The following SCAP variants were observed in gnomAD, a reference collection of about 807,000 sequenced individuals.
The protein encoded by SCAP is sterol regulatory element-binding protein cleavage-activating protein.
SCAP carries 65 observed loss-of-function variants against 123.6 expected under a neutral mutation model. The ratio of observed to expected loss-of-function variants is 0.53; its 90% CI spans 0.43 to 0.65. SCAP has a LOEUF of 0.65. Ranked by LOEUF, SCAP falls within the 30% of genes least tolerant of loss-of-function variation. SCAP has a pLI of 0.00. For synonymous variants in SCAP, 740 were observed against 726.3 expected, an observed-to-expected ratio of 1.02 and a Z score of -0.30; for missense variants, 1,398 against 1,712.5, an observed-to-expected ratio of 0.82 and a Z score of 3.24.
chr3:47,473,747 T>C (rs1375178365), intron 1 of SCAP, among the ~76,000 whole-genome samples: 1 of 152,212 alleles, frequency 6.6e-6, no homozygotes, highest in Non-Finnish European at 1.5e-5. Flanking sequence ...TTAATATACA[T>C]ACCTGCAGTG....
intron 8 of SCAP, among the ~76,000 whole-genome samples, chr3:47,425,058 G>T (rs1559545993): frequency 6.7e-6 from 1 of 149,564 alleles, no homozygotes; most frequent in African/African-American, 2.5e-5. Flanking sequence ...TTCTAATCAT[G>T]AAAAAAAAAA....
intron 1 of SCAP, among the ~76,000 whole-genome samples, chr3:47,459,918 A>C (rs1707566962): frequency 6.6e-6 from 1 of 152,146 alleles, no homozygotes; most frequent in South Asian, 2.1e-4. Context: ...TCAACCGCAT[A>C]AGACAGACAC....
intron 2 of SCAP, among the ~76,000 whole-genome samples, chr3:47,436,516 C>G (rs1418242424): frequency 6.6e-6 from 1 of 151,874 alleles, no homozygotes; most frequent in Non-Finnish European, 1.5e-5. Context: ...CACCTGTGGT[C>G]CCAGCTACTG....
chr3:47,415,167 G>A lies in SCAP; in HGVS notation c.3070C>T (p.Arg1024Trp), dbSNP rs375413175. 8 of 1,611,484 alleles carry A rather than the reference G, an allele frequency of 5.0e-6. No homozygotes were observed. The highest frequency in any genetic ancestry group is 2.2e-5 in the South Asian group (2 of 90,886). ...VFLDKRIVAARLNGSLDFFSL... is the reference protein window; with the variant it reads ...VFLDKRIVAAWLNGSLDFFSL... ...AAGAAATCAAGGGAACCGTTGAGCC[G>A]TGCAGCCACAATCCTGGAAGAGAAG... The change falls in exon 19 of 23, where the codon CGG (arginine) becomes TGG (tryptophan). Residue 1024 changes from arginine (R) to tryptophan (W), a missense_variant. Coordinates refer to ENST00000265565, the MANE Select transcript of SCAP (RefSeq NM_012235.4).
upstream of SCAP, among the ~76,000 whole-genome samples, chr3:47,476,391 G>A (rs1000534482): frequency 6.6e-6 from 1 of 152,146 alleles, no homozygotes; most frequent in African/African-American, 2.4e-5. Context: ...AGCCCGGGAG[G>A]TCGAGGCCAC....
At chr3:47,457,894 G>A (rs965869736) in intron 1 of SCAP, among the ~76,000 whole-genome samples, 1 of 151,878 alleles carries the variant, frequency 6.6e-6, no homozygotes, top group Non-Finnish European at 1.5e-5. Context: ...GCAATGGAGC[G>A]AGACTCCGTC....
intron 7 of SCAP, 147 bp downstream of exon 7, chr3:47,425,850 T>A (rs570134676): frequency 1.0e-6 from 1 of 1,004,472 alleles, no homozygotes; most frequent in Admixed American, 2.5e-5. Flanking sequence ...CCTAAGACCC[T>A]GCTGGGGGAC....
At chr3:47,425,366 A>G in intron 8 of SCAP, 119 bp downstream of exon 8, 5 of 1,122,184 alleles carry the variant, frequency 4.5e-6, no homozygotes, top group Non-Finnish European at 6.2e-6. Context: ...AAATGTCAAA[A>G]ACAACAATGT....
At chr3:47,414,449 C>A in intron 21 of SCAP, 63 bp from the exon 22 acceptor site, 1 of 1,599,848 alleles carries the variant, frequency 6.3e-7, no homozygotes, top group Non-Finnish European at 8.6e-7. Context: ...ACAGTGGTGT[C>A]CCTGTGCCCC....
At position 47,419,618 on chromosome 3, in the gene SCAP, C is replaced by T. The variant is rs373167143; in HGVS notation, c.1650G>A (p.Gln550=). The T allele has an allele frequency of 6.3e-7, 1 of 1,593,818 alleles. No individual in the cohort carries two copies. Among genetic ancestry groups the T allele is most frequent in the Non-Finnish European group, 8.6e-7 (1 of 1,168,644 alleles). ...RNYLAAQVTE[Q]SPLGEGALAP... is the part of the protein sequence containing the mutation. ...CCAGGGCTCCCTCACCCAATGGGCT[C>T]TGTTCCGTCACCTGGGCAGCGAGGT... The change falls in exon 13 of 23, where the codon CAG becomes CAA. Residue 550 remains glutamine, a synonymous_variant. Coordinates refer to ENST00000265565, the MANE Select transcript of SCAP (RefSeq NM_012235.4). This position sits in a 1 kb window ranked among gnomAD's most constrained non-coding sequence, Gnocchi z 5.0.
Position 47,420,678 on chromosome 3 carries a change from A to G in SCAP, c.1439T>C (p.Val480Ala), listed in dbSNP as rs934850078. ...QPTRYERQLA[V>A]RPSTPHTITL... is the part of the protein sequence containing the mutation. ...GATGGTGTGGGGTGTGGACGGCCTCACAGCCAGCTGCCGCTCGTAGCGCGT... is the reference window on the plus strand; with the variant it reads ...GATGGTGTGGGGTGTGGACGGCCTCGCAGCCAGCTGCCGCTCGTAGCGCGT... Residue 480 changes from valine to alanine, a missense_variant, in exon 12 of 23, where the codon GTG becomes GCG. Val to Ala is a moderately conservative substitution (Grantham distance 64). Coordinates refer to ENST00000265565, the MANE Select transcript of SCAP (RefSeq NM_012235.4). This position sits in a 1 kb window ranked among gnomAD's most constrained non-coding sequence, Gnocchi z 5.0. The G allele has an allele frequency of 1.7e-5, 28 of 1,611,528 alleles. No homozygotes were observed. The Admixed American group carries it at 3.7e-4, about 21-fold the overall frequency.
chr3:47,441,879 T>TC (rs1706819960), intron 2 of SCAP, among the ~76,000 whole-genome samples: 1 of 143,992 alleles, frequency 6.9e-6, no homozygotes, highest in South Asian at 2.3e-4. Context: ...TCTTTCTTTT[T>TC]TTTTTTTTTT....
intron 18 of SCAP, among the ~76,000 whole-genome samples, chr3:47,416,141 G>T (rs1489745993): frequency 6.6e-6 from 1 of 152,232 alleles, no homozygotes; most frequent in Non-Finnish European, 1.5e-5. Flanking sequence ...AGGTCAGATG[G>T]TGCTGCCACC....
At chr3:47,443,266 ACACACACACACTCTCT>A (rs1174562990) in intron 1 of SCAP, 175 bp from the exon 2 acceptor site, 4 of 196,820 alleles carry the variant, frequency 2.0e-5, no homozygotes, top group Middle Eastern at 1.8e-3. Context: ...ACACACACAC[ACACACACACACTCTCT>A]CTCTCTCTCT....
intron 1 of SCAP, among the ~76,000 whole-genome samples, chr3:47,458,302 G>A (rs1423607574): frequency 5.9e-5 from 9 of 151,986 alleles, no homozygotes; most frequent in Non-Finnish European, 1.0e-4. Context: ...GGTGGCATGC[G>A]TCTGTAATTC....
Position 47,447,116 on chromosome 3 carries a change from T to C in SCAP, c.-98-4025A>G, listed in dbSNP as rs544562221. 2.5e-4 allele frequency among the ~76,000 whole-genome samples: 38 copies of C among 152,258 alleles called. 1 individual carries two copies. The highest frequency in any genetic ancestry group is 7.2e-4 in the African/African-American group (30 of 41,560). The stretch of plus-strand genomic sequence containing the variant: ...CTTGGCATCTTTGTCAAAAAGCAGT[T>C]GTCTGGACCAGGCACAGTGGCTCAC... On this transcript the variant is annotated intron_variant, in intron 1 of 22. Transcript: ENST00000265565.
chr3:47,434,401 T>A (rs1318736091), intron 3 of SCAP, among the ~76,000 whole-genome samples: 1 of 152,174 alleles, frequency 6.6e-6, no homozygotes, highest in East Asian at 1.9e-4. Context: ...TGCGGTGTGA[T>A]GGTGAGTTAG....
intron 2 of SCAP, among the ~76,000 whole-genome samples, chr3:47,436,788 C>T (rs1706595058): frequency 6.6e-6 from 1 of 152,138 alleles, no homozygotes; most frequent in Admixed American, 6.6e-5. Flanking sequence ...ATCTGTGTAA[C>T]TACTATCTAG....
At chr3:47,424,139 T>C in intron 8 of SCAP, 94 bp from the exon 9 acceptor site, 3 of 879,488 alleles carry the variant, frequency 3.4e-6, no homozygotes, top group East Asian at 2.6e-5. Flanking sequence ...CAGCCTGTCA[T>C]GGGGGCTGCT....
Sources: gnomAD v4.1 joint callset for allele counts (sites outside exome capture counted in the v4.1 genomes callset) on GRCh38, gnomAD v4.1.1 for gene constraint, Gnocchi (gnomAD v3.1) non-coding constraint, MANE v1.5 for transcripts, NCBI Gene and HGNC (gene_info 2026-07-23, HGNC 2026-07-21) for gene names.